ARSJ: variants seen among roughly 807,000 people sequenced by gnomAD.
The protein encoded by ARSJ is arylsulfatase J.
In ARSJ, 26 loss-of-function variants were observed where a neutral mutation model predicts 35.9. The observed-to-expected ratio is 0.72, with a 90% CI of 0.53 to 1.00. The LOEUF (loss-of-function observed/expected upper bound fraction) is 1.00. Ranked by LOEUF, ARSJ falls within the 50% of genes least tolerant of loss-of-function variation. ARSJ has a pLI of 0.00. For synonymous variants in ARSJ, 294 were observed against 267.6 expected (o/e 1.10, Z -0.96); for missense variants, 667 against 723.6 (o/e 0.92, Z 0.90).
At chr4:113,910,430 T>TA (rs1562335263) in intron 1 of ARSJ, among the ~76,000 whole-genome samples, 1 of 152,064 alleles carries the variant, frequency 6.6e-6, no homozygotes, top group African/African-American at 2.4e-5. Flanking sequence ...GGTTAGCGAG[T>TA]AAAAAATAGG....
At chr4:113,967,469 T>G (rs1227252969) in intron 1 of ARSJ, among the ~76,000 whole-genome samples, 3 of 152,128 alleles carry the variant, frequency 2.0e-5, no homozygotes, top group Admixed American at 2.0e-4. Flanking sequence ...ATGGTCTTAT[T>G]TAATAAGATA....
chr4:113,932,814 C>A (rs752187743), intron 1 of ARSJ, among the ~76,000 whole-genome samples: 105 of 151,866 alleles, frequency 6.9e-4, no homozygotes, highest in Admixed American at 1.8e-3. Context: ...AAAGCAAGAA[C>A]AAATTAAACT....
At chr4:113,929,113 A>G (rs1724265201) in intron 1 of ARSJ, among the ~76,000 whole-genome samples, 1 of 152,140 alleles carries the variant, frequency 6.6e-6, no homozygotes, top group Non-Finnish European at 1.5e-5. Flanking sequence ...TGTTTCTTCC[A>G]TCATTATCCA....
At chr4:113,930,565 C>A (rs1034402858) in intron 1 of ARSJ, among the ~76,000 whole-genome samples, 1 of 152,074 alleles carries the variant, frequency 6.6e-6, no homozygotes, top group Non-Finnish European at 1.5e-5. Context: ...GTAGTTTTTG[C>A]TCTTAGTAAA....
intron 1 of ARSJ, among the ~76,000 whole-genome samples, chr4:113,938,253 T>A (rs1196910928): frequency 6.6e-6 from 1 of 152,070 alleles, no homozygotes. Context: ...AACCATCTGA[T>A]CTTCAAAAAA....
Position 113,902,622 on chromosome 4 carries a change from CCGTTCATTG to C in ARSJ, c.1443_1451del (p.His481_Arg484delinsGln). 6.2e-7 allele frequency: 1 copy of C among 1,614,116 alleles called. No homozygotes were observed. The highest frequency in any genetic ancestry group is 8.5e-7 in the Non-Finnish European group (1 of 1,180,034). On this transcript the variant is annotated inframe_deletion, in exon 2 of 2. Coordinates refer to ENST00000315366, the MANE Select transcript of ARSJ (RefSeq NM_024590.4). Reference sequence around the variant, plus strand: ...CACTTTTGCCAGTTGACAAGGTGATCCGTTCATTGTGCCACCGGTTCGGTCCCAGGTTGC... The same window carrying C: ...CACTTTTGCCAGTTGACAAGGTGATCTGCCACCGGTTCGGTCCCAGGTTGC...
intron 1 of ARSJ, among the ~76,000 whole-genome samples, chr4:113,921,980 C>T (rs1039970772): frequency 6.6e-6 from 1 of 152,154 alleles, no homozygotes; most frequent in African/African-American, 2.4e-5. Context: ...AGCCATCATG[C>T]TTGGACAACA....
chr4:113,949,529 G>C (rs770161455), intron 1 of ARSJ, among the ~76,000 whole-genome samples: 1 of 151,974 alleles, frequency 6.6e-6, no homozygotes, highest in Non-Finnish European at 1.5e-5. Flanking sequence ...TGCCATTTCC[G>C]AAAGAAGTTC....
intron 1 of ARSJ, among the ~76,000 whole-genome samples, chr4:113,911,822 T>C (rs6533726): frequency 0.67 from 102,082 of 152,020 alleles, 35,228 homozygotes; most frequent in Non-Finnish European, 0.76. Flanking sequence ...TCCTGACACA[T>C]GCATGCACAA....
In ARSJ at chr4:113,938,136, T is replaced by C. The variant is rs747986559; in HGVS notation, c.399-34461A>G. Among the ~76,000 whole-genome samples, 34 of 152,222 alleles carry C rather than the reference T, an allele frequency of 2.2e-4. No homozygotes were observed. In the Middle Eastern group the frequency reaches 0.017, roughly 76 times the overall value. ...AGCATCATGCTACTCAACTTCAAAC[T>C]ATACTATGAGGATACAGTAACCAAA... On this transcript the variant is annotated intron_variant, in intron 1 of 1. Coordinates refer to ENST00000315366, the MANE Select transcript of ARSJ (RefSeq NM_024590.4).
chr4:113,976,231 G>C (rs377079944), intron 1 of ARSJ, among the ~76,000 whole-genome samples: 3 of 152,160 alleles, frequency 2.0e-5, no homozygotes, highest in Admixed American at 6.5e-5. Flanking sequence ...TTTGTCATGT[G>C]AAGATATTTG....
At chr4:113,908,419 G>A (rs1480970167) in intron 1 of ARSJ, among the ~76,000 whole-genome samples, 3 of 152,074 alleles carry the variant, frequency 2.0e-5, no homozygotes, top group African/African-American at 7.2e-5. Context: ...TTTAAAACAA[G>A]ATGTAAGAAA....
Position 113,903,373 on chromosome 4 carries a change from T to C in ARSJ, c.701A>G (p.Asn234Ser). ...GTACATCTGTGTGGAGTATATGCCA[T>C]TGTCATAGTCCCAGGCAGCATTGTC... is the stretch of plus-strand genomic sequence containing the variant. Reference protein sequence around the residue: ...ENDNAAWDYDNGIYSTQMYTQ... With the variant: ...ENDNAAWDYDSGIYSTQMYTQ... The change falls in exon 2 of 2, where the codon AAT becomes AGT. Residue 234 changes from asparagine (N) to serine (S), a missense_variant. Asn to Ser is a conservative substitution (Grantham distance 46, BLOSUM62 1). Coordinates refer to ENST00000315366, the MANE Select transcript of ARSJ (RefSeq NM_024590.4). 6.2e-7 allele frequency: 1 copy of C among 1,614,172 alleles called. No individual in the cohort carries two copies. Among genetic ancestry groups the C allele is most frequent in the Admixed American group, 1.7e-5 (1 of 60,012 alleles).
chr4:113,918,868 A>G (rs997659174), intron 1 of ARSJ, among the ~76,000 whole-genome samples: 4 of 152,008 alleles, frequency 2.6e-5, no homozygotes, highest in South Asian at 2.1e-4. Flanking sequence ...TCACAGTTCA[A>G]TGCAGCCCCA....
intron 1 of ARSJ, among the ~76,000 whole-genome samples, chr4:113,957,259 C>G (rs1023249822): frequency 4.6e-5 from 7 of 151,968 alleles, no homozygotes; most frequent in African/African-American, 1.4e-4. Context: ...AGTTTTAGCT[C>G]TCCAAAAAGT....
intron 1 of ARSJ, among the ~76,000 whole-genome samples, chr4:113,929,873 T>C (rs1724320164): frequency 6.6e-6 from 1 of 152,094 alleles, no homozygotes; most frequent in African/African-American, 2.4e-5. Context: ...TCAAAGGTAT[T>C]ATGTATAGAG....
chr4:113,940,540 G>T (rs1725085403), intron 1 of ARSJ, among the ~76,000 whole-genome samples: 1 of 151,638 alleles, frequency 6.6e-6, no homozygotes, highest in Non-Finnish European at 1.5e-5. Flanking sequence ...GCTAATGCAT[G>T]CTGGGCTTAA....
chr4:113,958,068 T>C (rs1027476833), intron 1 of ARSJ, among the ~76,000 whole-genome samples: 4 of 152,020 alleles, frequency 2.6e-5, no homozygotes, highest in African/African-American at 9.7e-5. Flanking sequence ...AGCCAGCATA[T>C]GGAAAGTTAT....
intron 1 of ARSJ, among the ~76,000 whole-genome samples, chr4:113,921,197 T>C (rs1252045862): frequency 6.6e-6 from 1 of 151,708 alleles, no homozygotes; most frequent in Admixed American, 6.6e-5. Flanking sequence ...GTATGGCCCA[T>C]AAAAAATTGA....
Sources: gnomAD v4.1 joint callset for allele counts (sites outside exome capture counted in the v4.1 genomes callset) on GRCh38, gnomAD v4.1.1 for gene constraint, MANE v1.5 for transcripts, NCBI Gene and HGNC (gene_info 2026-07-23, HGNC 2026-07-21) for gene names.